PHACTR1: variants seen among roughly 807,000 people sequenced by gnomAD.
PHACTR1 encodes RPEL repeat containing 1.
A neutral mutation model predicts 69.2 loss-of-function variants in PHACTR1; 16 were observed. That is an observed-to-expected ratio of 0.23 (90% confidence interval 0.16 to 0.35). The LOEUF (loss-of-function observed/expected upper bound fraction) is 0.35. Among genes scored for constraint, PHACTR1 ranks in the 10% least tolerant of loss-of-function variants. PHACTR1 has a pLI of 1.00. For synonymous variants in PHACTR1, 312 were observed against 284.5 expected, an observed-to-expected ratio of 1.10 and a Z score of -0.97; for missense variants, 510 against 734.7, an observed-to-expected ratio of 0.69 and a Z score of 3.54.
intron 4 of PHACTR1, among the ~76,000 whole-genome samples, chr6:12,799,357 T>A (rs1773447207): frequency 6.6e-6 from 1 of 152,162 alleles, no homozygotes; most frequent in Admixed American, 6.6e-5. Context: ...AAGATGAATA[T>A]GTCAATGAGA....
chr6:12,775,787 C>T (rs1456232497), intron 4 of PHACTR1, among the ~76,000 whole-genome samples: 2 of 152,176 alleles, frequency 1.3e-5, no homozygotes, highest in Non-Finnish European at 2.9e-5. Flanking sequence ...CTGGAACATA[C>T]TGTACAACCA....
rs576299665 is a variant in PHACTR1 at position 13,207,730 on chromosome 6, G to A, written c.986+1594G>A. Among the ~76,000 whole-genome samples, 5 of 152,334 alleles carry A rather than the reference G, an allele frequency of 3.3e-5. No homozygotes were observed. The East Asian group carries it at 9.6e-4, about 29-fold the overall frequency. The stretch of plus-strand genomic sequence containing the variant: ...CAAGGAGAAAGTATGATTATGAGGT[G>A]CAAAGGGTATCTCTGACTGTGAGCT... On this transcript the variant is annotated intron_variant, in intron 8 of 14. Transcript: ENST00000332995.
intron 10 of PHACTR1, among the ~76,000 whole-genome samples, chr6:13,236,245 G>A (rs1299390678): frequency 6.6e-6 from 1 of 152,152 alleles, no homozygotes; most frequent in Non-Finnish European, 1.5e-5. Context: ...TCCTTGTGAT[G>A]TCCTTTTCCT....
At chr6:12,804,117 G>T (rs1774018661) in intron 4 of PHACTR1, among the ~76,000 whole-genome samples, 1 of 152,212 alleles carries the variant, frequency 6.6e-6, no homozygotes, top group South Asian at 2.1e-4. Context: ...TTTCAGAGAA[G>T]ATCAACACCA....
At chr6:12,864,233 G>C (rs935218115) in intron 4 of PHACTR1, among the ~76,000 whole-genome samples, 1 of 152,182 alleles carries the variant, frequency 6.6e-6, no homozygotes, top group African/African-American at 2.4e-5. Context: ...TGCCTGAAGG[G>C]GTTGTACAAA....
chr6:13,020,162 C>T (rs926898182), intron 4 of PHACTR1, among the ~76,000 whole-genome samples: 4 of 152,110 alleles, frequency 2.6e-5, no homozygotes, highest in African/African-American at 9.7e-5. Context: ...GAACCAGGAA[C>T]TAAACAAGAA....
chr6:12,962,857 T>C (rs1030698924), intron 4 of PHACTR1, among the ~76,000 whole-genome samples: 4 of 152,188 alleles, frequency 2.6e-5, no homozygotes, highest in Non-Finnish European at 5.9e-5. Flanking sequence ...GTTCCTGCCA[T>C]GTTCTGCAGA....
At chr6:13,184,713 C>G (rs747600114) in intron 7 of PHACTR1, 2 of 1,094,114 alleles carry the variant, frequency 1.8e-6, no homozygotes, top group South Asian at 1.3e-5. Context: ...GTTGCCAGCC[C>G]GAGTCCCTGT....
At chr6:13,276,545 G>A (rs1405848526) in intron 11 of PHACTR1, among the ~76,000 whole-genome samples, 1 of 152,220 alleles carries the variant, frequency 6.6e-6, no homozygotes, top group African/African-American at 2.4e-5. Context: ...GCTGAGGCGG[G>A]TGGATCACCT....
intron 4 of PHACTR1, among the ~76,000 whole-genome samples, chr6:12,750,830 C>T (rs1359272424): frequency 1.3e-5 from 2 of 152,208 alleles, no homozygotes; most frequent in African/African-American, 2.4e-5. Flanking sequence ...TTTTCTCTTC[C>T]TGTCCAAGGT....
intron 7 of PHACTR1, among the ~76,000 whole-genome samples, chr6:13,202,481 C>CTTTTT (rs1164105884): frequency 7.7e-6 from 1 of 129,960 alleles, no homozygotes; most frequent in Admixed American, 7.9e-5. Context: ...TGCACTGAAG[C>CTTTTT]TTTTTTTTTT....
intron 4 of PHACTR1, among the ~76,000 whole-genome samples, chr6:12,918,889 G>A (rs967090322): frequency 6.6e-6 from 1 of 152,170 alleles, no homozygotes; most frequent in African/African-American, 2.4e-5. Flanking sequence ...ACCTTTTAGT[G>A]GTAGTCCAGG....
At chr6:12,861,256 A>T (rs1780908720) in intron 4 of PHACTR1, among the ~76,000 whole-genome samples, 1 of 152,230 alleles carries the variant, frequency 6.6e-6, no homozygotes, top group African/African-American at 2.4e-5. Context: ...AGGTTCCATA[A>T]AAAGGCTTAA....
At chr6:13,062,424 G>A (rs1421818612) in intron 5 of PHACTR1, among the ~76,000 whole-genome samples, 2 of 152,140 alleles carry the variant, frequency 1.3e-5, no homozygotes, top group Non-Finnish European at 2.9e-5. Flanking sequence ...CTTCCTTTAT[G>A]TCTTCCATCA....
chr6:12,858,637 A>C (rs953101281), intron 4 of PHACTR1, among the ~76,000 whole-genome samples: 63 of 152,094 alleles, frequency 4.1e-4, no homozygotes, highest in African/African-American at 1.4e-3. Context: ...CTACAAAAAA[A>C]AATTTAAAAA....
chr6:12,952,121 G>A (rs149315344), intron 4 of PHACTR1, among the ~76,000 whole-genome samples: 1 of 152,186 alleles, frequency 6.6e-6, no homozygotes, highest in South Asian at 2.1e-4. Flanking sequence ...CAGCAAAGTT[G>A]AGAAGAAGGA....
chr6:12,751,397 G>T (rs1766602083), intron 4 of PHACTR1, among the ~76,000 whole-genome samples: 1 of 152,178 alleles, frequency 6.6e-6, no homozygotes, highest in African/African-American at 2.4e-5. Context: ...GTTGTGAGGG[G>T]TCTCACAAAG....
At chr6:12,927,698 A>T (rs1234519437) in intron 4 of PHACTR1, among the ~76,000 whole-genome samples, 3 of 152,230 alleles carry the variant, frequency 2.0e-5, no homozygotes, top group Non-Finnish European at 2.9e-5. Flanking sequence ...AAGAATTCAC[A>T]TGCCCGTGAT....
intron 7 of PHACTR1, among the ~76,000 whole-genome samples, chr6:13,191,548 A>G (rs1763602285): frequency 6.6e-6 from 1 of 152,176 alleles, no homozygotes; most frequent in South Asian, 2.1e-4. Flanking sequence ...AGCAGGCTCT[A>G]AGCTATACAA....
Sources: allele counts gnomAD v4.1 joint callset (sites outside exome capture counted in the v4.1 genomes callset), GRCh38; gene constraint gnomAD v4.1.1; transcripts MANE v1.5; gene names NCBI Gene and HGNC (gene_info 2026-07-23, HGNC 2026-07-21).